Variants in COL2A1 observed in about 807,000 individuals in gnomAD.
The protein encoded by COL2A1 is collagen type II alpha 1 chain.
COL2A1 carries 28 observed loss-of-function variants against 204.5 expected under a neutral mutation model. The ratio of observed to expected loss-of-function variants is 0.14; its 90% CI spans 0.10 to 0.19. The LOEUF is 0.19. COL2A1 is among the 10% of genes least tolerant of loss of function. COL2A1 has a pLI of 1.00. For missense variants in COL2A1, 1,388 were observed against 2,027.5 expected (o/e 0.68, Z 6.06); for synonymous variants, 708 against 718.7 (o/e 0.99, Z 0.24).
intron 26 of COL2A1, 52 bp downstream of exon 26, chr12:47,985,474 CCCTTGCTT>C: frequency 6.4e-7 from 1 of 1,554,438 alleles, no homozygotes; most frequent in South Asian, 1.1e-5. Flanking sequence ...TCTCTCTTTT[CCCTTGCTT>C]CCCCAGGGAG....
At chr12:47,998,290 AC>A in intron 3 of COL2A1, 89 bp from the exon 4 acceptor site, 4 of 1,564,712 alleles carry the variant, frequency 2.6e-6, no homozygotes, top group Non-Finnish European at 3.5e-6. Flanking sequence ...GTGTTGAGGT[AC>A]CCTCTGAAAC....
chr12:47,998,306 A>C, intron 3 of COL2A1, 105 bp from the exon 4 acceptor site: 1 of 1,548,724 alleles, frequency 6.5e-7, no homozygotes, highest in Non-Finnish European at 8.9e-7. Context: ...TGAAACAGAT[A>C]TCTTCTGATG....
intron 1 of COL2A1, among the ~76,000 whole-genome samples, chr12:48,003,953 C>T (rs1940352149): frequency 6.6e-6 from 1 of 152,198 alleles, no homozygotes; most frequent in Non-Finnish European, 1.5e-5. Flanking sequence ...TGTGCGCAAA[C>T]TTCTCCGAGC....
chr12:47,980,795 G>T lies in COL2A1; in HGVS notation c.2517+120C>A. 1.4e-6 allele frequency: 2 copies of T among 1,402,672 alleles called. No homozygotes were observed. Among genetic ancestry groups the T allele is most frequent in the Non-Finnish European group, 2.0e-6 (2 of 1,011,360 alleles). The allele number at this position is 1,402,672 out of a possible 1,614,324, so 86.9% of individuals were successfully genotyped here. On this transcript the variant is annotated intron_variant, in intron 38 of 53. Transcript: ENST00000380518. This position sits in a 1 kb window ranked among gnomAD's most constrained non-coding sequence, Gnocchi z 4.5. Reference sequence around the variant, plus strand: ...ACATGATGGTTCTATTAGTATGGAGGCGGGAAAGGAGAGGAGAGGAGCATC... The same window carrying T: ...ACATGATGGTTCTATTAGTATGGAGTCGGGAAAGGAGAGGAGAGGAGCATC...
At position 47,973,539 on chromosome 12, in the gene COL2A1, C is replaced by T. The variant is rs1278988073; in HGVS notation, c.4332G>A (p.Lys1444=). The T allele has an allele frequency of 1.2e-6, 2 of 1,614,136 alleles. No individual in the cohort carries two copies. Among genetic ancestry groups the T allele is most frequent in the Non-Finnish European group, 1.7e-6 (2 of 1,180,022 alleles). ...LKDGCTKHTG[K]WGKTVIEYRS... ...GGTACTCGATAACAGTCTTGCCCCACTTACCGGTATGTTTCTAGGGGAGAA... is the reference window on the plus strand; with the variant it reads ...GGTACTCGATAACAGTCTTGCCCCATTTACCGGTATGTTTCTAGGGGAGAA... Residue 1444 remains lysine (K), a synonymous_variant, in exon 54 of 54, where the codon AAG becomes AAA. Coordinates refer to ENST00000380518, the MANE Select transcript of COL2A1 (RefSeq NM_001844.5).
rs1938970341 is a variant in COL2A1 at position 47,980,177 on chromosome 12, C to T, written c.2626-115G>A. On this transcript the variant is annotated intron_variant, in intron 39 of 53. Transcript: ENST00000380518. The surrounding 1 kb of genome is among the most constrained non-coding windows in gnomAD (Gnocchi z 4.5). The stretch of plus-strand genomic sequence containing the variant: ...TTTCGAAGATGCAGCTTTCTTGGCA[C>T]TAAAAACCCAGCCTGAAGAGGCTGC... The T allele has an allele frequency of 2.1e-6, 2 of 966,356 alleles. No homozygotes were observed. Among genetic ancestry groups the T allele is most frequent in the Non-Finnish European group, 3.2e-6 (2 of 617,720 alleles). 59.9% of individuals were successfully genotyped at this position (966,356 alleles called of 1,614,324 possible).
At chr12:47,979,149 C>T (rs748551213) in intron 41 of COL2A1, among the ~76,000 whole-genome samples, 1 of 152,116 alleles carries the variant, frequency 6.6e-6, no homozygotes, top group Non-Finnish European at 1.5e-5. Flanking sequence ...AGTTCATCAC[C>T]ACTGCTCCCT....
upstream of COL2A1, chr12:48,004,549 G>A (rs1014462810): frequency 6.5e-5 from 31 of 479,506 alleles, no homozygotes; most frequent in Non-Finnish European, 1.0e-4. Context: ...CCCAAACCGC[G>A]GGCCGCCCCC....
At chr12:47,983,970 G>A (rs1939241691) in intron 29 of COL2A1, 117 bp downstream of exon 29, 1 of 1,032,462 alleles carries the variant, frequency 9.7e-7, no homozygotes, top group South Asian at 1.4e-5. Flanking sequence ...TGAGTCTGGT[G>A]TATCAGCTCA....
In COL2A1 at chr12:47,975,934, G is replaced by A. The variant is rs767204398; in HGVS notation, c.3597+29C>T. ...GCCTCCCGGATGGTAGGGACACCTCGACAGCAGGGAAGGAGTCAGGACACT... is the reference window on the plus strand; with the variant it reads ...GCCTCCCGGATGGTAGGGACACCTCAACAGCAGGGAAGGAGTCAGGACACT... On this transcript the variant is annotated intron_variant, in intron 50 of 53. Transcript: ENST00000380518. 2.5e-5 allele frequency: 38 copies of A among 1,545,840 alleles called. No homozygotes were observed. The Admixed American group carries it at 4.2e-4, about 17-fold the overall frequency.
chr12:47,982,832 A>G lies in COL2A1; in HGVS notation c.2193+16T>C, dbSNP rs1158939914. On this transcript the variant is annotated intron_variant, in intron 33 of 53. Coordinates refer to ENST00000380518, the MANE Select transcript of COL2A1 (RefSeq NM_001844.5). Reference sequence around the variant, plus strand: ...AGGCTACCACGAAGACCCCTACAGGATGCAGCCTCACTTACTTTGGGACCA... The same window carrying G: ...AGGCTACCACGAAGACCCCTACAGGGTGCAGCCTCACTTACTTTGGGACCA... The G allele has an allele frequency of 1.2e-6, 2 of 1,605,086 alleles. No individual in the cohort carries two copies. The highest frequency in any genetic ancestry group is 3.3e-5 in the Admixed American group (2 of 60,008).
At chr12:48,003,216 T>G (rs1187550282) in intron 1 of COL2A1, among the ~76,000 whole-genome samples, 1 of 152,180 alleles carries the variant, frequency 6.6e-6, no homozygotes, top group African/African-American at 2.4e-5. Flanking sequence ...GAACAGCATT[T>G]GGACCCGACT....
Position 47,995,885 on chromosome 12 carries a change from G to A in COL2A1, c.644C>T (p.Ala215Val), listed in dbSNP as rs766480693. The A allele has an allele frequency of 2.5e-6, 4 of 1,612,830 alleles. No individual in the cohort carries two copies. The African/African-American group carries it at 4.0e-5, about 16-fold the overall frequency. Residue 215 changes from alanine to valine, a missense_variant, in exon 9 of 54, where the codon GCA becomes GTA. Physicochemically the swap from Ala to Val is moderately conservative, Grantham distance 64. Around this residue, in one of 3 missense-constraint regions of COL2A1, gnomAD observed 884 missense variants for 1,415.8 expected, o/e 0.62. Transcript: ENST00000380518. ...ATTGCAGATACTTACAGGAGCACCT[G>A]CAGGGCCTGGAGGTCCTCGAGGTCC... ...PMGPRGPPGP[A>V]GAPGPQGFQG... is the part of the protein sequence containing the mutation.
chr12:47,998,524 A>C, intron 2 of COL2A1, 93 bp from the exon 3 acceptor site: 2 of 1,321,588 alleles, frequency 1.5e-6, no homozygotes, highest in Non-Finnish European at 1.1e-6. Flanking sequence ...TAGATCAAAC[A>C]AGTAAAAGGA....
chr12:47,994,555 C>G, intron 11 of COL2A1, 78 bp from the exon 12 acceptor site: 1 of 1,462,528 alleles, frequency 6.8e-7, no homozygotes, highest in Non-Finnish European at 9.5e-7. Context: ...GGGCTTCCCT[C>G]CTTCCAGCCC....
intron 51 of COL2A1, 23 bp from the exon 52 acceptor site, chr12:47,974,885 C>A (rs1938619298): frequency 6.2e-7 from 1 of 1,607,696 alleles, no homozygotes; most frequent in Non-Finnish European, 8.5e-7. Context: ...GAGGCAGCAC[C>A]CATGGGGGCT....
chr12:47,975,296 G>T (rs866625668), intron 51 of COL2A1, 21 bp downstream of exon 51: 2 of 1,613,162 alleles, frequency 1.2e-6, no homozygotes, highest in Non-Finnish European at 1.7e-6. Flanking sequence ...CGGGGCAGGG[G>T]ATCCTGTTCT....
At chr12:47,991,788 C>A (rs924411809) in intron 16 of COL2A1, among the ~76,000 whole-genome samples, 1 of 152,186 alleles carries the variant, frequency 6.6e-6, no homozygotes, top group South Asian at 2.1e-4. Flanking sequence ...AGGCCACAAG[C>A]CAGCATCCTG....
chr12:47,980,728 G>C lies in COL2A1; in HGVS notation c.2518-67C>G. ...AAAACCCTGGAGCTCTTCCAGAAGA[G>C]CAGGAGACTCTGTGAGTATCTGCGT... On this transcript the variant is annotated intron_variant, in intron 38 of 53. Transcript: ENST00000380518. This position sits in a 1 kb window ranked among gnomAD's most constrained non-coding sequence, Gnocchi z 4.5. 6.6e-7 allele frequency: 1 copy of C among 1,510,694 alleles called. No individual in the cohort carries two copies. The highest frequency in any genetic ancestry group is 1.2e-5 in the South Asian group (1 of 84,352). 93.6% of individuals were successfully genotyped at this position (1,510,694 alleles called of 1,614,324 possible). A position where few individuals can be genotyped will look rare whatever the true frequency, so the allele number is the denominator to read the frequency against.
Sources: gnomAD v4.1 joint callset for allele counts (sites outside exome capture counted in the v4.1 genomes callset) on GRCh38, gnomAD v4.1.1 for gene constraint, gnomAD v4.1.1 regional missense constraint, Gnocchi (gnomAD v3.1) non-coding constraint, MANE v1.5 for transcripts, NCBI Gene and HGNC (gene_info 2026-07-23, HGNC 2026-07-21) for gene names.